SAMHD1: variants seen among roughly 807,000 people sequenced by gnomAD.
SAMHD1 encodes SAM and HD domain containing deoxynucleoside triphosphate triphosphohydrolase 1, also known as deoxynucleoside triphosphate triphosphohydrolase SAMHD1.
A neutral mutation model predicts 79.6 loss-of-function variants in SAMHD1; 54 were observed. That is an observed-to-expected ratio of 0.68 (90% CI 0.55 to 0.85). The LOEUF is 0.85. SAMHD1 is among the 40% of genes least tolerant of loss of function. The pLI is 0.00. For missense variants in SAMHD1, 663 were observed against 782.7 expected, an observed-to-expected ratio of 0.85 and a Z score of 1.82; for synonymous variants, 260 against 264.1, an observed-to-expected ratio of 0.98 and a Z score of 0.15.
At chr20:36,950,310 C>G (rs1438032755) in intron 1 of SAMHD1, among the ~76,000 whole-genome samples, 2 of 149,318 alleles carry the variant, frequency 1.3e-5, no homozygotes, top group East Asian at 1.9e-4. Context: ...TGGAGGGAAA[C>G]GAAAGGGCAA....
intron 2 of SAMHD1, among the ~76,000 whole-genome samples, chr20:36,942,141 C>T (rs539674157): frequency 3.7e-4 from 56 of 152,248 alleles, no homozygotes; most frequent in African/African-American, 1.3e-3. Flanking sequence ...ATCGGCCGGG[C>T]GCAGTGGCTC....
chr20:36,903,996 A>C (rs557449414), intron 13 of SAMHD1, 161 bp downstream of exon 13: 6 of 612,488 alleles, frequency 9.8e-6, no homozygotes, highest in African/African-American at 9.2e-5. Context: ...CATCATGAAC[A>C]AAATGTTTTT....
Position 36,940,735 on chromosome 20 carries a change from T to C in SAMHD1, c.348+304A>G, listed in dbSNP as rs2146144207. ...AAGAATGTACAAAGGAGGTCTTCAA[T>C]AGTTTCTAATATTTTGCTCTAAAAA... On this transcript the variant is annotated intron_variant, in intron 3 of 15. Coordinates refer to ENST00000646673, the MANE Select transcript of SAMHD1 (RefSeq NM_015474.4). 5 of 419,382 alleles carry C rather than the reference T, an allele frequency of 1.2e-5. No homozygotes were observed. In the South Asian group the frequency reaches 1.2e-4, roughly 10 times the overall value. 26.0% of individuals were successfully genotyped at this position (419,382 alleles called of 1,614,324 possible). A position where few individuals can be genotyped will look rare whatever the true frequency, so the allele number is the denominator to read the frequency against.
In SAMHD1 at chr20:36,941,090, C is replaced by T. The variant is rs1319541718; in HGVS notation, c.297G>A (p.Lys99=). 6.2e-7 allele frequency: 1 copy of T among 1,613,128 alleles called. No homozygotes were observed. The highest frequency in any genetic ancestry group is 8.5e-7 in the Non-Finnish European group (1 of 1,179,310). Residue 99 remains lysine (K), a synonymous_variant, in exon 3 of 16, where the codon AAG becomes AAA. Transcript: ENST00000646673. ...CCAATCGCTGGATATAACTAAGCAGCTTCTTCCTCTCCCCCAAGGAACTAA... is the reference window on the plus strand; with the variant it reads ...CCAATCGCTGGATATAACTAAGCAGTTTCTTCCTCTCCCCCAAGGAACTAA... The part of the protein sequence containing the change: ...LGVSSLGERK[K]LLSYIQRLVQ...
intron 13 of SAMHD1, 57 bp from the exon 14 acceptor site, chr20:36,898,601 G>C: frequency 1.5e-6 from 2 of 1,309,654 alleles, no homozygotes; most frequent in Admixed American, 3.4e-5. Flanking sequence ...TGAACTCAGG[G>C]CTGTAGGAGC....
chr20:36,924,279 G>A (rs1452731528), intron 6 of SAMHD1, among the ~76,000 whole-genome samples: 1 of 149,976 alleles, frequency 6.7e-6, no homozygotes, highest in Non-Finnish European at 1.5e-5. Flanking sequence ...GGAGGGAAGG[G>A]GGAAGGGGAA....
At chr20:36,936,176 G>C (rs2063602302) in intron 3 of SAMHD1, among the ~76,000 whole-genome samples, 1 of 151,956 alleles carries the variant, frequency 6.6e-6, no homozygotes, top group African/African-American at 2.4e-5. Flanking sequence ...GGGGATCAAG[G>C]CTGCAGTAAC....
intron 2 of SAMHD1, chr20:36,946,453 G>C (rs1600394273): frequency 6.0e-6 from 2 of 334,584 alleles, no homozygotes; most frequent in South Asian, 3.2e-5. Flanking sequence ...GGGGCATGGT[G>C]GTGGGCACCT....
chr20:36,893,835 G>A (rs1990140771), intron 15 of SAMHD1: 1 of 398,528 alleles, frequency 2.5e-6, no homozygotes, highest in Non-Finnish European at 4.4e-6. Flanking sequence ...TCCCTACTCT[G>A]TCTCACAGGA....
intron 9 of SAMHD1, among the ~76,000 whole-genome samples, chr20:36,913,885 C>G (rs1233743465): frequency 4.0e-5 from 6 of 151,544 alleles, no homozygotes. Context: ...TCCTGAGTAG[C>G]TGGGATTACA....
chr20:36,906,249 C>T (rs1186448197), intron 11 of SAMHD1, among the ~76,000 whole-genome samples: 1 of 152,132 alleles, frequency 6.6e-6, no homozygotes, highest in Non-Finnish European at 1.5e-5. Context: ...ACCAGCCTGG[C>T]CAACATGGCA....
chr20:36,924,981 A>C (rs1202564765), intron 6 of SAMHD1, among the ~76,000 whole-genome samples: 2 of 151,850 alleles, frequency 1.3e-5, no homozygotes, highest in South Asian at 2.1e-4. Flanking sequence ...ACATGGTGAA[A>C]GCCATCTCTA....
chr20:36,934,231 G>T (rs1468770680), intron 4 of SAMHD1, among the ~76,000 whole-genome samples: 2 of 151,508 alleles, frequency 1.3e-5, no homozygotes, highest in African/African-American at 4.8e-5. Flanking sequence ...TAAATAAAAA[G>T]CCTCAATTTT....
At position 36,941,068 on chromosome 20, in the gene SAMHD1, A is replaced by T. The variant is rs930531186; in HGVS notation, c.319T>A (p.Leu107Met). The part of the protein sequence containing the change: ...RKKLLSYIQR[L>M]VQIHVDTMKV... ...ATTGTATCAACGTGGATTTGAACCA[A>T]TCGCTGGATATAACTAAGCAGCTTC... is the stretch of plus-strand genomic sequence containing the variant. Residue 107 changes from leucine (L) to methionine (M), a missense_variant, in exon 3 of 16, where the codon TTG becomes ATG. Leu to Met is a conservative substitution (Grantham distance 15, BLOSUM62 2). Transcript: ENST00000646673. 1.2e-6 allele frequency: 2 copies of T among 1,613,676 alleles called. No individual in the cohort carries two copies. Among genetic ancestry groups the T allele is most frequent in the Non-Finnish European group, 8.5e-7 (1 of 1,179,718 alleles).
At chr20:36,926,774 A>C (rs2063538812) in intron 6 of SAMHD1, among the ~76,000 whole-genome samples, 1 of 152,230 alleles carries the variant, frequency 6.6e-6, no homozygotes, top group Admixed American at 6.5e-5. Flanking sequence ...CATTTAATAT[A>C]TATGACTTGG....
chr20:36,912,373 A>T lies in SAMHD1; in HGVS notation c.1154+88T>A. ...AATCACTTAATATTCACTTGAACTC[A>T]TCTAGAAATGTCTAGTTGAGCCTAG... On this transcript the variant is annotated intron_variant, in intron 10 of 15. Coordinates refer to ENST00000646673, the MANE Select transcript of SAMHD1 (RefSeq NM_015474.4). The T allele has an allele frequency of 5.0e-6, 4 of 802,228 alleles. No homozygotes were observed. In the South Asian group the frequency reaches 5.6e-5, roughly 11 times the overall value. The allele number at this position is 802,228 out of a possible 1,614,324, so 49.7% of individuals were successfully genotyped here. A position where few individuals can be genotyped will look rare whatever the true frequency, so the allele number is the denominator to read the frequency against.
intron 10 of SAMHD1, chr20:36,911,859 G>C (rs983123830): frequency 5.7e-6 from 1 of 175,902 alleles, no homozygotes; most frequent in African/African-American, 2.4e-5. Context: ...TCAATTTAAG[G>C]CTATTTTAGA....
intron 13 of SAMHD1, among the ~76,000 whole-genome samples, chr20:36,902,124 A>G (rs1050047279): frequency 6.6e-6 from 1 of 152,156 alleles, no homozygotes; most frequent in African/African-American, 2.4e-5. Context: ...TGGAGGTGGG[A>G]AGCATGGTTG....
At chr20:36,902,613 G>GGT (rs1381611656) in intron 13 of SAMHD1, among the ~76,000 whole-genome samples, 1 of 152,164 alleles carries the variant, frequency 6.6e-6, no homozygotes, top group African/African-American at 2.4e-5. Context: ...TCCAGGTATG[G>GGT]GTGTGGAGAT....
Sources: allele counts gnomAD v4.1 joint callset (sites outside exome capture counted in the v4.1 genomes callset), GRCh38; gene constraint gnomAD v4.1.1; transcripts MANE v1.5; gene names NCBI Gene and HGNC (gene_info 2026-07-23, HGNC 2026-07-21).